Variants in DSCAM observed in about 807,000 individuals in gnomAD.
The protein encoded by DSCAM is cell adhesion molecule DSCAM.
A neutral mutation model predicts 217.7 loss-of-function variants in DSCAM; 47 were observed. The observed-to-expected ratio is 0.22, with a 90% CI of 0.17 to 0.28. The LOEUF (loss-of-function observed/expected upper bound fraction) is 0.28. DSCAM is among the 10% of genes least tolerant of loss of function. The pLI is 1.00. For synonymous variants in DSCAM, 1,056 were observed against 1,015.3 expected, an observed-to-expected ratio of 1.04 and a Z score of -0.76; for missense variants, 2,080 against 2,618.3, an observed-to-expected ratio of 0.79 and a Z score of 4.49.
At chr21:40,505,534 A>G (rs2146044724) in intron 3 of DSCAM, among the ~76,000 whole-genome samples, 1 of 152,310 alleles carries the variant, frequency 6.6e-6, no homozygotes, top group South Asian at 2.1e-4. Context: ...TGGCTTGCTT[A>G]AACTGTCTTA....
intron 3 of DSCAM, among the ~76,000 whole-genome samples, chr21:40,506,057 T>A (rs1487217040): frequency 6.6e-6 from 1 of 152,232 alleles, no homozygotes; most frequent in South Asian, 2.1e-4. Context: ...TAAACTGACT[T>A]GTGCTTTTTT....
intron 2 of DSCAM, among the ~76,000 whole-genome samples, chr21:40,703,658 T>C (rs77693905): frequency 0.049 from 7,426 of 152,296 alleles, 268 homozygotes; most frequent in African/African-American, 0.1. Context: ...ATTTTATTAT[T>C]GCGCTGAGCA....
intron 3 of DSCAM, among the ~76,000 whole-genome samples, chr21:40,472,843 G>A (rs57466994): frequency 6.6e-6 from 1 of 152,298 alleles, no homozygotes; most frequent in East Asian, 1.9e-4. Context: ...GTGTGATGCA[G>A]AAACCAGGTG....
chr21:40,289,149 A>G (rs892541638), intron 10 of DSCAM, among the ~76,000 whole-genome samples: 4 of 152,328 alleles, frequency 2.6e-5, no homozygotes, highest in Admixed American at 1.3e-4. Flanking sequence ...TGTAACCTCT[A>G]TTTCCTATGA....
intron 1 of DSCAM, among the ~76,000 whole-genome samples, chr21:40,737,407 G>A (rs1315392121): frequency 6.6e-6 from 1 of 152,138 alleles, no homozygotes; most frequent in Non-Finnish European, 1.5e-5. Flanking sequence ...GGAGGCCGAA[G>A]CAGGTGGATC....
chr21:40,438,684 A>T (rs930940744), intron 3 of DSCAM, among the ~76,000 whole-genome samples: 6 of 152,232 alleles, frequency 3.9e-5, no homozygotes, highest in Non-Finnish European at 8.8e-5. Flanking sequence ...TGCTAACAAC[A>T]TAAGGAATGA....
At chr21:40,800,618 C>T (rs8129764) in intron 1 of DSCAM, among the ~76,000 whole-genome samples, 30 of 152,214 alleles carry the variant, frequency 2.0e-4, no homozygotes, top group African/African-American at 4.3e-4. Flanking sequence ...TTGGTTGAAG[C>T]GTGTCCCTGC....
intron 3 of DSCAM, among the ~76,000 whole-genome samples, chr21:40,405,525 T>C (rs2075272899): frequency 6.6e-6 from 1 of 152,148 alleles, no homozygotes; most frequent in Admixed American, 6.5e-5. Context: ...ACTAAAAAGC[T>C]TCTGCACAGC....
chr21:40,198,243 A>T (rs2146850457), intron 11 of DSCAM, among the ~76,000 whole-genome samples: 1 of 152,300 alleles, frequency 6.6e-6, no homozygotes, highest in South Asian at 2.1e-4. Context: ...TAAAGTTCTA[A>T]AATATAAAGC....
chr21:40,231,463 G>A (rs1008397552), intron 11 of DSCAM, among the ~76,000 whole-genome samples: 4 of 151,906 alleles, frequency 2.6e-5, no homozygotes, highest in African/African-American at 9.7e-5. Context: ...TCAGTTCTCT[G>A]TAAGAAAACT....
intron 32 of DSCAM, among the ~76,000 whole-genome samples, chr21:40,026,612 T>A (rs1238863473): frequency 6.7e-6 from 1 of 148,380 alleles, no homozygotes; most frequent in East Asian, 2.0e-4. Flanking sequence ...AATTGATCCC[T>A]TTACCATTAT....
chr21:40,811,384 C>T (rs924354414), intron 1 of DSCAM, among the ~76,000 whole-genome samples: 1 of 152,206 alleles, frequency 6.6e-6, no homozygotes, highest in Admixed American at 6.5e-5. Context: ...CCTGAATTGA[C>T]TCAGTCAAGT....
intron 11 of DSCAM, among the ~76,000 whole-genome samples, chr21:40,195,950 T>C (rs533150590): frequency 7.9e-5 from 12 of 152,230 alleles, no homozygotes; most frequent in Non-Finnish European, 1.8e-4. Context: ...TGAATCAAAA[T>C]GTGTTTTCTT....
intron 10 of DSCAM, among the ~76,000 whole-genome samples, chr21:40,288,017 C>T (rs1263354276): frequency 6.6e-6 from 1 of 152,122 alleles, no homozygotes; most frequent in African/African-American, 2.4e-5. Context: ...ACCATTGCAG[C>T]CCTTAGTATG....
At chr21:40,822,965 C>T (rs1379098255) in intron 1 of DSCAM, among the ~76,000 whole-genome samples, 1 of 152,154 alleles carries the variant, frequency 6.6e-6, no homozygotes, top group Non-Finnish European at 1.5e-5. Context: ...GCTTGACCCA[C>T]ATGGCGAAAC....
intron 1 of DSCAM, among the ~76,000 whole-genome samples, chr21:40,844,396 G>A (rs993781161): frequency 6.6e-6 from 1 of 152,126 alleles, no homozygotes; most frequent in African/African-American, 2.4e-5. Flanking sequence ...AAAGAGAGGG[G>A]CATTTTTATA....
chr21:40,486,300 C>A (rs2076027802), intron 3 of DSCAM, among the ~76,000 whole-genome samples: 1 of 152,176 alleles, frequency 6.6e-6, no homozygotes, highest in African/African-American at 2.4e-5. Flanking sequence ...CAACTCACAG[C>A]CTTTATACTG....
At chr21:40,695,131 T>C (rs1568989272) in intron 2 of DSCAM, among the ~76,000 whole-genome samples, 1 of 152,182 alleles carries the variant, frequency 6.6e-6, no homozygotes, top group Non-Finnish European at 1.5e-5. Context: ...CAAACATTAA[T>C]GACTCAAGTA....
chr21:40,575,258 T>A (rs1416777253), intron 3 of DSCAM, among the ~76,000 whole-genome samples: 1 of 151,002 alleles, frequency 6.6e-6, no homozygotes, highest in African/African-American at 2.4e-5. Flanking sequence ...ACTGTAATTT[T>A]CCTTTACCTA....
Sources: gnomAD v4.1 joint callset for allele counts (sites outside exome capture counted in the v4.1 genomes callset) on GRCh38, gnomAD v4.1.1 for gene constraint, MANE v1.5 for transcripts, NCBI Gene and HGNC (gene_info 2026-07-23, HGNC 2026-07-21) for gene names.